Variants in APBA1 observed in about 807,000 individuals in gnomAD.
APBA1 encodes the protein amyloid beta precursor protein binding family A member 1.
Under a neutral mutation model 86.6 loss-of-function variants are expected in APBA1, and 55 were observed. That is an observed-to-expected ratio of 0.64 (90% CI 0.51 to 0.80). APBA1 has a LOEUF of 0.80. APBA1 is among the 30% of genes least tolerant of loss of function. The pLI, the probability that APBA1 is intolerant of heterozygous loss-of-function variation, is 0.00. For synonymous variants in APBA1, 511 were observed against 493.9 expected, an observed-to-expected ratio of 1.03 and a Z score of -0.46; for missense variants, 1,090 against 1,183.0, an observed-to-expected ratio of 0.92 and a Z score of 1.15.
intron 5 of APBA1, among the ~76,000 whole-genome samples, chr9:69,458,390 G>C (rs1175945170): frequency 1.3e-5 from 2 of 152,252 alleles, no homozygotes; most frequent in Non-Finnish European, 2.9e-5. Context: ...GTGGTGAAGT[G>C]AGACAAAGGA....
intron 1 of APBA1, among the ~76,000 whole-genome samples, chr9:69,593,433 T>C (rs944953633): frequency 2.0e-5 from 3 of 151,792 alleles, no homozygotes; most frequent in Admixed American, 6.6e-5. Flanking sequence ...CAATCATAAC[T>C]GAAAAGATAT....
chr9:69,583,720 T>C (rs1821961558), intron 1 of APBA1, among the ~76,000 whole-genome samples: 1 of 152,226 alleles, frequency 6.6e-6, no homozygotes, highest in Admixed American at 6.5e-5. Context: ...AAGCCTTAGA[T>C]AGCAGCAGTT....
intron 5 of APBA1, among the ~76,000 whole-genome samples, chr9:69,466,407 C>T (rs1472816919): frequency 6.6e-6 from 1 of 152,234 alleles, no homozygotes; most frequent in Non-Finnish European, 1.5e-5. Flanking sequence ...CCCAAACCAA[C>T]TGCCTCTCCT....
intron 8 of APBA1, among the ~76,000 whole-genome samples, chr9:69,452,909 A>G (rs7856029): frequency 0.48 from 73,279 of 152,080 alleles, 19,798 homozygotes; most frequent in African/African-American, 0.73. Context: ...GTGTGCTGTC[A>G]TGCATGGTGA....
chr9:69,581,821 A>G (rs1251377292), intron 1 of APBA1, among the ~76,000 whole-genome samples: 2 of 152,046 alleles, frequency 1.3e-5, no homozygotes, highest in African/African-American at 2.4e-5. Flanking sequence ...AGTCTCTTTG[A>G]GGGTAATTTG....
At chr9:69,568,819 A>T (rs1463437215) in intron 1 of APBA1, among the ~76,000 whole-genome samples, 1 of 152,222 alleles carries the variant, frequency 6.6e-6, no homozygotes, top group Non-Finnish European at 1.5e-5. Flanking sequence ...AATTATTGCA[A>T]AGAATAAGAG....
chr9:69,631,728 A>T (rs1823050829), intron 1 of APBA1, among the ~76,000 whole-genome samples: 1 of 152,350 alleles, frequency 6.6e-6, no homozygotes, highest in Admixed American at 6.5e-5. Flanking sequence ...ATGCAGCCAC[A>T]AAAAAGGATG....
At chr9:69,481,941 C>G (rs1297510138) in intron 2 of APBA1, among the ~76,000 whole-genome samples, 2 of 151,302 alleles carry the variant, frequency 1.3e-5, no homozygotes, top group Non-Finnish European at 3.0e-5. Flanking sequence ...AAACTGGATC[C>G]CTTCCTTACA....
At chr9:69,458,612 T>C (rs1226521538) in intron 5 of APBA1, among the ~76,000 whole-genome samples, 1 of 152,170 alleles carries the variant, frequency 6.6e-6, no homozygotes, top group African/African-American at 2.4e-5. Context: ...CAAACTTTAT[T>C]CTGATATGCA....
chr9:69,639,366 G>A (rs1389784963), intron 1 of APBA1, among the ~76,000 whole-genome samples: 2 of 152,148 alleles, frequency 1.3e-5, no homozygotes, highest in Non-Finnish European at 2.9e-5. Context: ...CCAATAGATT[G>A]AGGTCATTAA....
At chr9:69,544,059 C>T (rs147652478) in intron 1 of APBA1, among the ~76,000 whole-genome samples, 20 of 152,234 alleles carry the variant, frequency 1.3e-4, no homozygotes, top group African/African-American at 4.8e-4. Context: ...GTGGAGTGCT[C>T]GTATCAAGAA....
intron 10 of APBA1, among the ~76,000 whole-genome samples, chr9:69,446,113 G>A (rs1411523421): frequency 6.6e-6 from 1 of 152,180 alleles, no homozygotes; most frequent in Admixed American, 6.5e-5. Context: ...CGAGGGGTGG[G>A]GGTAGGGCAG....
At chr9:69,520,176 A>G (rs1229235921) in intron 1 of APBA1, among the ~76,000 whole-genome samples, 1 of 152,212 alleles carries the variant, frequency 6.6e-6, no homozygotes, top group Non-Finnish European at 1.5e-5. Context: ...GGCAATTGTC[A>G]ACTTTTAAGG....
At chr9:69,477,090 A>C (rs986098592) in intron 2 of APBA1, among the ~76,000 whole-genome samples, 11 of 152,230 alleles carry the variant, frequency 7.2e-5, no homozygotes, top group African/African-American at 2.7e-4. Context: ...AGAGATGCTT[A>C]AGAATTCCAC....
chr9:69,598,829 A>C (rs934616944), intron 1 of APBA1, among the ~76,000 whole-genome samples: 3 of 152,242 alleles, frequency 2.0e-5, no homozygotes, highest in Admixed American at 2.0e-4. Flanking sequence ...AAGATTCTTG[A>C]AAGTCCAAGG....
chr9:69,495,235 C>T (rs1316829906), intron 2 of APBA1, among the ~76,000 whole-genome samples: 5 of 152,048 alleles, frequency 3.3e-5, no homozygotes, highest in Admixed American at 1.3e-4. Context: ...TAACTCCTAC[C>T]GTCAAGGGAA....
chr9:69,502,424 T>C (rs955870452), intron 2 of APBA1, among the ~76,000 whole-genome samples: 3 of 152,182 alleles, frequency 2.0e-5, no homozygotes, highest in Middle Eastern at 3.4e-3. Flanking sequence ...TGTTTTTTTT[T>C]CCTTGATTGA....
intron 3 of APBA1, 151 bp downstream of exon 3, chr9:69,475,897 T>G: frequency 3.0e-6 from 2 of 659,752 alleles, no homozygotes; most frequent in South Asian, 1.8e-5. Flanking sequence ...CTTTAACAGG[T>G]GAACTGCACA....
chr9:69,655,420 A>G (rs1263011341), intron 1 of APBA1, among the ~76,000 whole-genome samples: 1 of 152,178 alleles, frequency 6.6e-6, no homozygotes, highest in Non-Finnish European at 1.5e-5. Context: ...ATGGAAAATT[A>G]GTAGCATTTC....
Sources: gnomAD v4.1 joint callset for allele counts (sites outside exome capture counted in the v4.1 genomes callset) on GRCh38, gnomAD v4.1.1 for gene constraint, MANE v1.5 for transcripts, NCBI Gene and HGNC (gene_info 2026-07-23, HGNC 2026-07-21) for gene names.